PHACTR1: variants seen among roughly 807,000 people sequenced by gnomAD.
PHACTR1 encodes the protein phosphatase and actin regulator 1.
In PHACTR1, 16 loss-of-function variants were observed where a neutral mutation model predicts 69.2. The ratio of observed to expected loss-of-function variants is 0.23; its 90% CI spans 0.16 to 0.35. The LOEUF (loss-of-function observed/expected upper bound fraction) is 0.35, where lower values mean the gene tolerates loss of function less well. PHACTR1 is among the 10% of genes least tolerant of loss of function. The probability of loss-of-function intolerance (pLI) is 1.00; values close to 1 mark genes in which losing one functional copy is unlikely to be tolerated. For synonymous variants in PHACTR1, 312 were observed against 284.5 expected, an observed-to-expected ratio of 1.10 and a Z score of -0.97; for missense variants, 510 against 734.7, an observed-to-expected ratio of 0.69 and a Z score of 3.54.
At chr6:12,933,827 C>T in intron 4 of PHACTR1, 1 of 1,612,682 alleles carries the variant, frequency 6.2e-7, no homozygotes, top group Non-Finnish European at 8.5e-7. Context: ...GGGTATGAGC[C>T]CTGTTCAAGG....
intron 4 of PHACTR1, among the ~76,000 whole-genome samples, chr6:12,955,736 A>G (rs981819649): frequency 3.9e-5 from 6 of 152,224 alleles, no homozygotes; most frequent in African/African-American, 1.2e-4. Context: ...AGGGAGAGAC[A>G]TAAACAGACA....
intron 5 of PHACTR1, among the ~76,000 whole-genome samples, chr6:13,138,308 T>C (rs1057143292): frequency 2.0e-5 from 3 of 152,218 alleles, no homozygotes; most frequent in Admixed American, 1.3e-4. Flanking sequence ...TCCTGGGTTG[T>C]AGAAGATACA....
intron 4 of PHACTR1, among the ~76,000 whole-genome samples, chr6:12,792,594 C>T (rs1772465620): frequency 6.6e-6 from 1 of 151,158 alleles, no homozygotes; most frequent in Non-Finnish European, 1.5e-5. Flanking sequence ...CATGCCCATG[C>T]ATTTCAAGCT....
chr6:12,892,661 TTTTCCCCCCA>T (rs1784275267), intron 4 of PHACTR1, among the ~76,000 whole-genome samples: 1 of 152,170 alleles, frequency 6.6e-6, no homozygotes, highest in Non-Finnish European at 1.5e-5. Context: ...ATAGACATCT[TTTTCCCCCCA>T]TGGAAAAAAA....
chr6:13,282,797 G>A (rs1314869345), intron 12 of PHACTR1, among the ~76,000 whole-genome samples: 2 of 152,162 alleles, frequency 1.3e-5, no homozygotes, highest in Admixed American at 1.3e-4. Flanking sequence ...CTGTCACCTG[G>A]TGGGAGTAGG....
At chr6:13,013,334 C>T (rs1799657606) in intron 4 of PHACTR1, among the ~76,000 whole-genome samples, 1 of 152,222 alleles carries the variant, frequency 6.6e-6, no homozygotes, top group Non-Finnish European at 1.5e-5. Context: ...GTTGTCTGCT[C>T]CAGTGAAAGT....
intron 4 of PHACTR1, among the ~76,000 whole-genome samples, chr6:13,039,400 A>T (rs1406475677): frequency 1.3e-5 from 2 of 152,206 alleles, no homozygotes; most frequent in African/African-American, 4.8e-5. Context: ...TGGATTGATA[A>T]GAGAGAATTT....
intron 5 of PHACTR1, among the ~76,000 whole-genome samples, chr6:13,144,174 C>T (rs1822924989): frequency 1.3e-5 from 2 of 152,124 alleles, no homozygotes; most frequent in Admixed American, 1.3e-4. Flanking sequence ...ACTGTTTTCA[C>T]CTCTTCTGTT....
At chr6:13,237,341 C>A (rs906477411) in intron 10 of PHACTR1, among the ~76,000 whole-genome samples, 1 of 152,134 alleles carries the variant, frequency 6.6e-6, no homozygotes, top group Non-Finnish European at 1.5e-5. Context: ...TGTGCCACTG[C>A]ACTCCAGCCT....
intron 4 of PHACTR1, among the ~76,000 whole-genome samples, chr6:12,837,636 T>C (rs965619713): frequency 1.3e-5 from 2 of 152,242 alleles, no homozygotes; most frequent in Non-Finnish European, 2.9e-5. Flanking sequence ...TCTCTTTTTC[T>C]CTATGAATTG....
chr6:12,969,328 TA>T (rs1181256436), intron 4 of PHACTR1, among the ~76,000 whole-genome samples: 2 of 152,250 alleles, frequency 1.3e-5, no homozygotes, highest in Non-Finnish European at 2.9e-5. Context: ...CTTAAGTGGC[TA>T]TTTCTGTGTT....
chr6:12,949,578 T>A (rs1430356276), intron 4 of PHACTR1, among the ~76,000 whole-genome samples: 4 of 151,930 alleles, frequency 2.6e-5, no homozygotes, highest in Non-Finnish European at 5.9e-5. Context: ...GGCATGGGAG[T>A]TGGAGAGGAT....
intron 5 of PHACTR1, among the ~76,000 whole-genome samples, chr6:13,150,006 C>T (rs1383584139): frequency 1.3e-5 from 2 of 152,072 alleles, no homozygotes; most frequent in Admixed American, 1.3e-4. Flanking sequence ...AACTGACCTG[C>T]CTCTCTCTGC....
At chr6:12,873,026 C>T (rs1429722414) in intron 4 of PHACTR1, among the ~76,000 whole-genome samples, 1 of 149,030 alleles carries the variant, frequency 6.7e-6, no homozygotes, top group Non-Finnish European at 1.5e-5. Flanking sequence ...TCTTTCTTTG[C>T]TTTCAACAGA....
intron 5 of PHACTR1, among the ~76,000 whole-genome samples, chr6:13,155,832 G>A (rs2113495193): frequency 6.6e-6 from 1 of 151,904 alleles, no homozygotes; most frequent in South Asian, 2.1e-4. Flanking sequence ...AGGTTGGAGT[G>A]AGCCATGACC....
intron 8 of PHACTR1, among the ~76,000 whole-genome samples, chr6:13,210,110 C>A (rs766625336): frequency 6.6e-6 from 1 of 152,152 alleles, no homozygotes; most frequent in East Asian, 1.9e-4. Context: ...CAGGCTCAAG[C>A]AATTCTCCCA....
chr6:13,018,275 T>C (rs1038445059), intron 4 of PHACTR1, among the ~76,000 whole-genome samples: 3 of 152,146 alleles, frequency 2.0e-5, no homozygotes, highest in Non-Finnish European at 1.5e-5. Flanking sequence ...AACCACCATT[T>C]GGTGTCAGGG....
At chr6:13,114,909 C>T (rs564469425) in intron 5 of PHACTR1, among the ~76,000 whole-genome samples, 1 of 152,298 alleles carries the variant, frequency 6.6e-6, no homozygotes, top group Non-Finnish European at 1.5e-5. Context: ...ATATCCCAGA[C>T]TTGGTGCTAA....
chr6:12,861,448 G>A (rs981241026), intron 4 of PHACTR1, among the ~76,000 whole-genome samples: 1 of 152,154 alleles, frequency 6.6e-6, no homozygotes, highest in Admixed American at 6.5e-5. Flanking sequence ...GTTAAGACAG[G>A]CATTTTAGCC....
Sources: gnomAD v4.1 joint callset for allele counts (sites outside exome capture counted in the v4.1 genomes callset) on GRCh38, gnomAD v4.1.1 for gene constraint, MANE v1.5 for transcripts, NCBI Gene and HGNC (gene_info 2026-07-23, HGNC 2026-07-21) for gene names.